RGS5: variants seen among roughly 807,000 people sequenced by gnomAD.
The protein encoded by RGS5 is regulator of G protein signaling 5, also known as regulator of G-protein signalling 5.
RGS5 carries 20 observed loss-of-function variants against 18.9 expected under a neutral mutation model. The observed-to-expected ratio is 1.06, with a 90% CI of 0.74 to 1.54. The LOEUF is 1.54. Ranked by LOEUF, RGS5 falls within the 40% of genes most tolerant of loss-of-function variation. The pLI, the probability that RGS5 is intolerant of heterozygous loss-of-function variation, is 0.00. For missense variants in RGS5, 201 were observed against 211.8 expected, an observed-to-expected ratio of 0.95 and a Z score of 0.32; for synonymous variants, 57 against 76.2, an observed-to-expected ratio of 0.75 and a Z score of 1.31.
intron 3 of RGS5, among the ~76,000 whole-genome samples, chr1:163,153,385 A>G (rs1252375523): frequency 2.6e-5 from 4 of 152,162 alleles, no homozygotes; most frequent in African/African-American, 9.7e-5. Flanking sequence ...GAGTCATAGG[A>G]GAGTCCTGAC....
intron 1 of RGS5, among the ~76,000 whole-genome samples, chr1:163,319,970 G>C (rs1650140507): frequency 6.6e-6 from 1 of 152,052 alleles, no homozygotes; most frequent in Admixed American, 6.5e-5. Context: ...TCTAATTAAG[G>C]TAATTTGAAT....
chr1:163,257,268 C>T (rs1648298348), intron 2 of RGS5, among the ~76,000 whole-genome samples: 1 of 151,902 alleles, frequency 6.6e-6, no homozygotes. Flanking sequence ...AGTGAAAAAC[C>T]CACAGGAGGG....
At chr1:163,177,629 A>G (rs1658613073) in intron 1 of RGS5, among the ~76,000 whole-genome samples, 1 of 152,154 alleles carries the variant, frequency 6.6e-6, no homozygotes, top group African/African-American at 2.4e-5. Context: ...CTTTCATTTA[A>G]TCATACAATT....
At chr1:163,282,865 C>A (rs945284059) in intron 2 of RGS5, among the ~76,000 whole-genome samples, 9 of 151,880 alleles carry the variant, frequency 5.9e-5, no homozygotes, top group African/African-American at 1.9e-4. Flanking sequence ...TCACAATAGA[C>A]AAGATATGGA....
intron 2 of RGS5, among the ~76,000 whole-genome samples, chr1:163,270,352 GAAAAAAAAAAA>G (rs59181379): frequency 0.011 from 1,038 of 94,720 alleles, 12 homozygotes; most frequent in Middle Eastern, 0.019. Flanking sequence ...TCTCTATTGA[GAAAAAAAAAAA>G]AAAAAAAAAA....
At chr1:163,284,952 C>T (rs1320663293) in intron 2 of RGS5, among the ~76,000 whole-genome samples, 1 of 152,120 alleles carries the variant, frequency 6.6e-6, no homozygotes. Flanking sequence ...AATGGACTCA[C>T]AGTTCCACGT....
At chr1:163,154,007 T>A (rs1322489646) in intron 3 of RGS5, among the ~76,000 whole-genome samples, 1 of 152,130 alleles carries the variant, frequency 6.6e-6, no homozygotes, top group Admixed American at 6.6e-5. Context: ...CGAATGTCAC[T>A]TTGCCCCCCA....
chr1:163,221,597 T>C (rs1268234125), upstream of RGS5, among the ~76,000 whole-genome samples: 3 of 152,226 alleles, frequency 2.0e-5, no homozygotes, highest in African/African-American at 4.8e-5. Context: ...TATGAAGCTT[T>C]AGTCATACCA....
intron 2 of RGS5, among the ~76,000 whole-genome samples, chr1:163,301,559 C>A (rs1649550668): frequency 6.6e-6 from 1 of 152,110 alleles, no homozygotes; most frequent in African/African-American, 2.4e-5. Flanking sequence ...TCTCAAATTC[C>A]TGAGCTCAAC....
chr1:163,205,345 TAAAAA>T (rs35747068), upstream of RGS5, among the ~76,000 whole-genome samples: 6 of 72,738 alleles, frequency 8.2e-5, no homozygotes, highest in Admixed American at 3.2e-4. Flanking sequence ...TTAACCACAG[TAAAAA>T]AAAAAAAAAA....
chr1:163,187,054 T>C (rs1659121271), intron 1 of RGS5, among the ~76,000 whole-genome samples: 1 of 152,094 alleles, frequency 6.6e-6, no homozygotes, highest in African/African-American at 2.4e-5. Context: ...ATGTTTTCCA[T>C]AAGTAGCTAA....
In RGS5 at chr1:163,225,225, G is replaced by T. The variant is rs183330470; in HGVS notation, c.-280-56857C>A. On this transcript the variant is annotated intron_variant, in intron 2 of 5. Transcript: ENST00000618415. ...GTTATTAAAAGTTCTTCAAGCAAGA[G>T]AAGACTAGCTTCCTCAGATACAAAA... 8.5e-5 allele frequency among the ~76,000 whole-genome samples: 13 copies of T among 152,242 alleles called. No homozygotes were observed. The East Asian group carries it at 2.3e-3, about 27-fold the overall frequency.
intron 2 of RGS5, among the ~76,000 whole-genome samples, chr1:163,265,429 TA>T (rs1054460309): frequency 2.0e-5 from 3 of 152,190 alleles, no homozygotes; most frequent in African/African-American, 7.2e-5. Flanking sequence ...CCTAGTCTTG[TA>T]AGGCAACTTG....
chr1:163,209,913 A>G (rs753922523), intron 1 of RGS5, among the ~76,000 whole-genome samples: 5 of 152,108 alleles, frequency 3.3e-5, no homozygotes, highest in Non-Finnish European at 7.4e-5. Flanking sequence ...ATATTAGTGG[A>G]CATTTTCTAG....
chr1:163,172,613 A>T, intron 1 of RGS5: 1 of 1,549,714 alleles, frequency 6.5e-7, no homozygotes, highest in Non-Finnish European at 8.7e-7. Flanking sequence ...AAGGGAGAAA[A>T]GATATTCAGT....
At chr1:163,165,001 C>T (rs961553435) in intron 2 of RGS5, among the ~76,000 whole-genome samples, 29 of 152,226 alleles carry the variant, frequency 1.9e-4, no homozygotes, top group Non-Finnish European at 3.1e-4. Flanking sequence ...ACAGTACAGT[C>T]TGCTCATGAC....
At chr1:163,255,865 T>C (rs1045303933) in intron 2 of RGS5, among the ~76,000 whole-genome samples, 1 of 152,116 alleles carries the variant, frequency 6.6e-6, no homozygotes, top group Non-Finnish European at 1.5e-5. Context: ...AAAAACCACA[T>C]GATATCTCAA....
intron 2 of RGS5, among the ~76,000 whole-genome samples, chr1:163,240,340 TAAAC>T (rs538716623): frequency 1.5e-3 from 228 of 151,400 alleles, no homozygotes; most frequent in African/African-American, 5.2e-3. Context: ...AAAAACACAG[TAAAC>T]AAACAAAGCC....
chr1:163,256,506 A>G (rs1648275800), intron 2 of RGS5, among the ~76,000 whole-genome samples: 1 of 152,228 alleles, frequency 6.6e-6, no homozygotes, highest in Non-Finnish European at 1.5e-5. Flanking sequence ...ATGATTTATT[A>G]ATCATTTGGC....
Sources: allele counts gnomAD v4.1 joint callset (sites outside exome capture counted in the v4.1 genomes callset), GRCh38; gene constraint gnomAD v4.1.1; transcripts MANE v1.5; gene names NCBI Gene and HGNC (gene_info 2026-07-23, HGNC 2026-07-21).